Variants in LARGE1 observed in about 807,000 individuals in gnomAD.
LARGE1 encodes the protein LARGE xylosyl- and glucuronyltransferase 1.
In LARGE1, 43 loss-of-function variants were observed where a neutral mutation model predicts 87.6. The ratio of observed to expected loss-of-function variants is 0.49; its 90% CI spans 0.38 to 0.63. The LOEUF is 0.63. LARGE1 is among the 30% of genes least tolerant of loss of function. The pLI is 0.00. For missense variants in LARGE1, 802 were observed against 1,000.2 expected (o/e 0.80, Z 2.67); for synonymous variants, 434 against 394.6 (o/e 1.10, Z -1.18).
chr22:33,110,886 A>T, the LARGE1 span, among the ~76,000 whole-genome samples: 1 of 152,192 alleles, frequency 6.6e-6, no homozygotes, highest in African/African-American at 2.4e-5. Flanking sequence ...TTTCTTTCAT[A>T]ATAAATATGT....
chr22:33,765,704 T>TCA (rs2084878864), intron 1 of LARGE1, among the ~76,000 whole-genome samples: 2 of 19,212 alleles, frequency 1.0e-4, no homozygotes, highest in Admixed American at 1.1e-3. Flanking sequence ...AAACTCCATC[T>TCA]CACAAAAAAA....
chr22:33,612,781 G>C (rs1489733663), intron 4 of LARGE1, among the ~76,000 whole-genome samples: 1 of 152,222 alleles, frequency 6.6e-6, no homozygotes, highest in Non-Finnish European at 1.5e-5. Context: ...ACAAGGTTTG[G>C]AGGCTCAGCA....
chr22:33,720,937 AAG>A (rs2083077174), intron 2 of LARGE1, among the ~76,000 whole-genome samples: 1 of 152,236 alleles, frequency 6.6e-6, no homozygotes, highest in Non-Finnish European at 1.5e-5. Context: ...CAAGCAGGGA[AAG>A]AGAGCCTGCT....
At chr22:33,685,179 T>A (rs992948959) in intron 2 of LARGE1, among the ~76,000 whole-genome samples, 2 of 151,994 alleles carry the variant, frequency 1.3e-5, no homozygotes, top group Non-Finnish European at 2.9e-5. Flanking sequence ...TGGACAGAGG[T>A]AGTGTGATGG....
intron 2 of LARGE1, among the ~76,000 whole-genome samples, chr22:33,737,259 C>A (rs1189242127): frequency 6.6e-6 from 1 of 152,214 alleles, no homozygotes; most frequent in Non-Finnish European, 1.5e-5. Flanking sequence ...CTCCCTTCCC[C>A]ACATGGGCTT....
intron 6 of LARGE1, among the ~76,000 whole-genome samples, chr22:33,445,593 C>T (rs775045732): frequency 2.0e-5 from 3 of 151,838 alleles, no homozygotes; most frequent in African/African-American, 4.8e-5. Flanking sequence ...AGCTCTTAAG[C>T]CCCTTGGAAT....
chr22:33,817,865 A>G (rs1375689887), intron 1 of LARGE1, among the ~76,000 whole-genome samples: 1 of 151,952 alleles, frequency 6.6e-6, no homozygotes, highest in Non-Finnish European at 1.5e-5. Flanking sequence ...GGTAGGACAA[A>G]ATCATTATCC....
At chr22:33,421,083 G>A (rs2066674609) in intron 7 of LARGE1, among the ~76,000 whole-genome samples, 1 of 152,138 alleles carries the variant, frequency 6.6e-6, no homozygotes, top group African/African-American at 2.4e-5. Flanking sequence ...CAGGTACTTG[G>A]GAGGCTGAGG....
chr22:33,121,349 T>C, the LARGE1 span, among the ~76,000 whole-genome samples: 1 of 152,176 alleles, frequency 6.6e-6, no homozygotes, highest in African/African-American at 2.4e-5. Flanking sequence ...TTTAGTCACA[T>C]AGAGAGTGAA....
chr22:33,120,415 T>C, the LARGE1 span, among the ~76,000 whole-genome samples: 4 of 124,784 alleles, frequency 3.2e-5, no homozygotes, highest in East Asian at 2.5e-4. Context: ...TCTTTCCTTC[T>C]TTCTTTCTTT....
chr22:33,162,594 G>C (rs1241220355), exon 12 of LARGE1: 2 of 152,078 alleles, frequency 1.3e-5, no homozygotes, highest in African/African-American at 4.8e-5. Context: ...CATAAATCAG[G>C]ATCAACTTTG....
chr22:33,173,198 C>G (rs1009671324), intron 11 of LARGE1, among the ~76,000 whole-genome samples: 1 of 152,078 alleles, frequency 6.6e-6, no homozygotes, highest in African/African-American at 2.4e-5. Context: ...GAGTGAGGGC[C>G]AATATTCAAC....
chr22:33,357,663 C>G (rs1443434281), intron 9 of LARGE1, among the ~76,000 whole-genome samples: 1 of 151,824 alleles, frequency 6.6e-6, no homozygotes, highest in Non-Finnish European at 1.5e-5. Context: ...GCATGGTGGC[C>G]CATGCCTGTA....
chr22:33,603,696 G>C (rs1365675924), intron 5 of LARGE1, among the ~76,000 whole-genome samples: 1 of 152,188 alleles, frequency 6.6e-6, no homozygotes, highest in Non-Finnish European at 1.5e-5. Context: ...GCTACTTAGA[G>C]TTAAAGGAAT....
chr22:33,825,146 G>T (rs1446171090), intron 1 of LARGE1, among the ~76,000 whole-genome samples: 1 of 152,220 alleles, frequency 6.6e-6, no homozygotes, highest in Non-Finnish European at 1.5e-5. Context: ...GCTCTGCAGA[G>T]AATGCTGGCT....
intron 2 of LARGE1, among the ~76,000 whole-genome samples, chr22:33,655,120 A>T (rs1340758642): frequency 6.6e-6 from 1 of 152,256 alleles, no homozygotes; most frequent in East Asian, 1.9e-4. Flanking sequence ...TGTCAACTCA[A>T]CTGGGCCAGG....
the LARGE1 span, among the ~76,000 whole-genome samples, chr22:33,068,361 TG>T: frequency 6.6e-6 from 1 of 152,138 alleles, no homozygotes; most frequent in African/African-American, 2.4e-5. Context: ...CAGACAGAGT[TG>T]GGGCCGGGCA....
chr22:33,128,725 GAAA>G, the LARGE1 span, among the ~76,000 whole-genome samples: 2 of 59,986 alleles, frequency 3.3e-5, no homozygotes, highest in Non-Finnish European at 7.2e-5. Context: ...GAAAAGAAAA[GAAA>G]GTGCGGTACA....
the LARGE1 span, among the ~76,000 whole-genome samples, chr22:33,127,746 C>A: frequency 6.6e-6 from 1 of 152,184 alleles, no homozygotes; most frequent in African/African-American, 2.4e-5. Flanking sequence ...GAGTGTCACA[C>A]CTTGAATACA....
Sources: allele counts gnomAD v4.1 joint callset (sites outside exome capture counted in the v4.1 genomes callset), GRCh38; gene constraint gnomAD v4.1.1; transcripts MANE v1.5; gene names NCBI Gene and HGNC (gene_info 2026-07-23, HGNC 2026-07-21).